The following SLFN12L variants were observed in gnomAD, a reference collection of about 807,000 sequenced individuals.
The protein encoded by SLFN12L is schlafen family member 12-like.
A neutral mutation model predicts 34.8 loss-of-function variants in SLFN12L; 34 were observed. The observed-to-expected ratio is 0.98, with a 90% CI of 0.74 to 1.30. The LOEUF (loss-of-function observed/expected upper bound fraction) is 1.30, where lower values mean the gene tolerates loss of function less well. Among genes scored for constraint, SLFN12L ranks in the 50% most tolerant of loss-of-function variants. SLFN12L has a pLI of 0.00. For missense variants in SLFN12L, 703 were observed against 696.2 expected, an observed-to-expected ratio of 1.01 and a Z score of -0.11; for synonymous variants, 259 against 247.5, an observed-to-expected ratio of 1.05 and a Z score of -0.44.
In SLFN12L at chr17:35,469,617, T is replaced by C. The variant is rs1158995064; in HGVS notation, c.*5306A>G. ...CCAGGTTTCTTACGATGATGCCAAA[T>C]AGGCCCAGGGGCAATGGGTCTTACT... On this transcript the variant is annotated 3_prime_UTR_variant, in exon 5 of 5. Coordinates refer to ENST00000628453, the MANE Select transcript of SLFN12L (RefSeq NM_001363830.2). 6.6e-6 allele frequency among the ~76,000 whole-genome samples: 1 copy of C among 152,022 alleles called. No homozygotes were observed. The highest frequency in any genetic ancestry group is 1.5e-5 in the Non-Finnish European group (1 of 68,004).
chr17:35,520,206 G>A (rs1915956751), intron 2 of SLFN12L, among the ~76,000 whole-genome samples: 3 of 152,162 alleles, frequency 2.0e-5, no homozygotes, highest in Non-Finnish European at 1.5e-5. Flanking sequence ...CGCATCCACT[G>A]CCAGACATGA....
At chr17:35,511,581 A>G (rs1209470749) in intron 2 of SLFN12L, among the ~76,000 whole-genome samples, 1 of 60,944 alleles carries the variant, frequency 1.6e-5, no homozygotes, top group Non-Finnish European at 3.7e-5. Context: ...ACACACACAC[A>G]CATACACACA....
In SLFN12L at chr17:35,504,411, TA is replaced by T. The variant is rs1214565484; in HGVS notation, c.86+17867del. ...CATTTTACTAGAGGATCATAGACGT[TA>T]AAGACTGAAAACAAACTTTGGCAAT... is the stretch of plus-strand genomic sequence containing the variant. On this transcript the variant is annotated intron_variant, in intron 2 of 4. Transcript: ENST00000628453. 2.0e-5 allele frequency among the ~76,000 whole-genome samples: 3 copies of T among 152,232 alleles called. No individual in the cohort carries two copies. In the East Asian group the frequency reaches 5.8e-4, roughly 29 times the overall value.
intron 2 of SLFN12L, among the ~76,000 whole-genome samples, chr17:35,509,107 A>C (rs1439195075): frequency 1.3e-5 from 2 of 152,190 alleles, no homozygotes; most frequent in Non-Finnish European, 2.9e-5. Flanking sequence ...ACAGGAAGTG[A>C]TGTGATGACA....
chr17:35,527,747 T>C (rs1193877176), intron 1 of SLFN12L, among the ~76,000 whole-genome samples: 1 of 152,132 alleles, frequency 6.6e-6, no homozygotes. Flanking sequence ...GCCAGTATCA[T>C]ACTGAATGGG....
rs1292804036 is a variant in SLFN12L at position 35,507,042 on chromosome 17, C to A, written c.86+15237G>T. 5.3e-5 allele frequency among the ~76,000 whole-genome samples: 8 copies of A among 152,152 alleles called. No homozygotes were observed. The East Asian group carries it at 1.5e-3, about 29-fold the overall frequency. On this transcript the variant is annotated intron_variant, in intron 2 of 4. Coordinates refer to ENST00000628453, the MANE Select transcript of SLFN12L (RefSeq NM_001363830.2). Reference sequence around the variant, plus strand: ...AAACTGTGTGGACCCACCCAGAGTCCCACCAGGACTGGACAGCCCCCACTG... The same window carrying A: ...AAACTGTGTGGACCCACCCAGAGTCACACCAGGACTGGACAGCCCCCACTG...
In SLFN12L at chr17:35,479,231, G is replaced by T; in HGVS notation, c.1051C>A (p.Arg351Ser). The T allele has an allele frequency of 1.3e-6, 2 of 1,590,800 alleles. No individual in the cohort carries two copies. The highest frequency in any genetic ancestry group is 1.7e-6 in the Non-Finnish European group (2 of 1,167,056). Residue 351 changes from arginine to serine, a missense_variant, in exon 3 of 5, where the codon CGC becomes AGC. Transcript: ENST00000628453. ...TTAGCAAACACTGCACAGCAGAAGC[G>T]TTCCACTCTGAGTGCATACACATAT... ...CGYVYALRVE[R>S]FCCAVFAKKP... is the part of the protein sequence containing the mutation.
At chr17:35,476,159 G>C (rs1166392894) in intron 4 of SLFN12L, among the ~76,000 whole-genome samples, 1 of 151,956 alleles carries the variant, frequency 6.6e-6, no homozygotes, top group Non-Finnish European at 1.5e-5. Context: ...AGAAAACAGA[G>C]GTCAGACTTC....
In SLFN12L at chr17:35,469,639, T is replaced by G. The variant is rs910423573; in HGVS notation, c.*5284A>C. Reference sequence around the variant, plus strand: ...AAATAGGCCCAGGGGCAATGGGTCTTACTGTGTTTTCCTAGGTTCTGTACT... The same window carrying G: ...AAATAGGCCCAGGGGCAATGGGTCTGACTGTGTTTTCCTAGGTTCTGTACT... On this transcript the variant is annotated 3_prime_UTR_variant, in exon 5 of 5. Coordinates refer to ENST00000628453, the MANE Select transcript of SLFN12L (RefSeq NM_001363830.2). Among the ~76,000 whole-genome samples the G allele has an allele frequency of 6.6e-6, 1 of 152,118 alleles. No homozygotes were observed. The highest frequency in any genetic ancestry group is 1.5e-5 in the Non-Finnish European group (1 of 68,026).
chr17:35,472,419 G>A lies in SLFN12L; in HGVS notation c.*2504C>T, dbSNP rs1294028448. ...TTTCCCCATTGCTTGTTTTTGTCAA[G>A]TTTGTAGAAGATCAGATGGTTATAG... On this transcript the variant is annotated 3_prime_UTR_variant, in exon 5 of 5. Transcript: ENST00000628453. Among the ~76,000 whole-genome samples, 2 of 152,150 alleles carry A rather than the reference G, an allele frequency of 1.3e-5. No homozygotes were observed. The highest frequency in any genetic ancestry group is 2.9e-5 in the Non-Finnish European group (2 of 68,018).
At chr17:35,514,797 CA>C (rs1356402334) in intron 2 of SLFN12L, 7 of 398,524 alleles carry the variant, frequency 1.8e-5, no homozygotes, top group Non-Finnish European at 2.9e-5. Context: ...CAAGCGCCAG[CA>C]CTTACAAGTC....
At chr17:35,489,738 G>A (rs918108795) in intron 2 of SLFN12L, among the ~76,000 whole-genome samples, 3 of 152,088 alleles carry the variant, frequency 2.0e-5, no homozygotes, top group Non-Finnish European at 2.9e-5. Context: ...TACCGAAAAA[G>A]CATTTGACTC....
intron 2 of SLFN12L, among the ~76,000 whole-genome samples, chr17:35,493,155 T>C (rs1914907740): frequency 6.6e-6 from 1 of 152,230 alleles, no homozygotes; most frequent in African/African-American, 2.4e-5. Flanking sequence ...TCCTTTTTTC[T>C]TCTTCAACCT....
chr17:35,533,997 G>A (rs1254717417), intron 1 of SLFN12L, among the ~76,000 whole-genome samples: 1 of 152,058 alleles, frequency 6.6e-6, no homozygotes, highest in Non-Finnish European at 1.5e-5. Flanking sequence ...GCTTTAACCT[G>A]GGAGGCAAAG....
At chr17:35,493,362 G>C (rs1156776128) in intron 2 of SLFN12L, among the ~76,000 whole-genome samples, 1 of 152,150 alleles carries the variant, frequency 6.6e-6, no homozygotes, top group Admixed American at 6.6e-5. Flanking sequence ...ATATCATCTG[G>C]TTAGCTGCCT....
At chr17:35,486,536 T>C (rs1173095454) in intron 2 of SLFN12L, among the ~76,000 whole-genome samples, 1 of 152,040 alleles carries the variant, frequency 6.6e-6, no homozygotes, top group African/African-American at 2.4e-5. Context: ...CATGTAAAAC[T>C]TTCCATGGTT....
rs1914184900 is a variant in SLFN12L, at chr17:35,479,330, A to T, written c.952T>A (p.Phe318Ile). 6 of 1,587,700 alleles carry T rather than the reference A, an allele frequency of 3.8e-6. No homozygotes were observed. Among genetic ancestry groups the T allele is most frequent in the Non-Finnish European group, 5.1e-6 (6 of 1,165,312 alleles). Reference sequence around the variant, plus strand: ...TTTATCGTCCCCTTCTCCACACAGAAGTGATGCACAGGCAGTTTCCCAATG... The same window carrying T: ...TTTATCGTCCCCTTCTCCACACAGATGTGATGCACAGGCAGTTTCCCAATG... ...NSIGKLPVHH[F>I]CVEKGTINYL... is the part of the protein sequence containing the mutation. The change falls in exon 3 of 5, where the codon TTC becomes ATC. Residue 318 changes from phenylalanine (F) to isoleucine (I), a missense_variant. Coordinates refer to ENST00000628453, the MANE Select transcript of SLFN12L (RefSeq NM_001363830.2).
At chr17:35,533,944 C>T (rs1308842117) in intron 1 of SLFN12L, among the ~76,000 whole-genome samples, 1 of 152,036 alleles carries the variant, frequency 6.6e-6, no homozygotes. Flanking sequence ...AACCAGGCTG[C>T]ACCTGTAGTC....
At chr17:35,490,092 C>T (rs1914772513) in intron 2 of SLFN12L, 3 of 1,606,732 alleles carry the variant, frequency 1.9e-6, no homozygotes, top group Admixed American at 1.7e-5. Context: ...CCCCTCCTCC[C>T]CAGTGCCCCA....
Sources: allele counts gnomAD v4.1 joint callset (sites outside exome capture counted in the v4.1 genomes callset), GRCh38; gene constraint gnomAD v4.1.1; transcripts MANE v1.5; gene names NCBI Gene and HGNC (gene_info 2026-07-23, HGNC 2026-07-21).